The following GADL1 variants were observed in gnomAD, a reference collection of about 807,000 sequenced individuals.
GADL1 encodes acidic amino acid decarboxylase GADL1.
In GADL1, 71 loss-of-function variants were observed where a neutral mutation model predicts 69.5. That is an observed-to-expected ratio of 1.02 (90% CI 0.84 to 1.25). The LOEUF is 1.25. Ranked by LOEUF, GADL1 falls within the 50% of genes most tolerant of loss-of-function variation. The probability of loss-of-function intolerance (pLI) is 0.00; values close to 1 mark genes in which losing one functional copy is unlikely to be tolerated. For synonymous variants in GADL1, 254 were observed against 214.4 expected, an observed-to-expected ratio of 1.18 and a Z score of -1.62; for missense variants, 737 against 631.8, an observed-to-expected ratio of 1.17 and a Z score of -1.79.
In GADL1 at chr3:30,833,159, A is replaced by G. The variant is rs1045333990; in HGVS notation, c.1050+694T>C. On this transcript the variant is annotated intron_variant, in intron 11 of 14. Coordinates refer to ENST00000282538, the MANE Select transcript of GADL1 (RefSeq NM_207359.3). ...TGCTGAACACAGATCTTGAGGAGGC[A>G]TTTCTAAGAATGAAGTAGCACTTCC... Among the ~76,000 whole-genome samples, 3 of 152,088 alleles carry G rather than the reference A, an allele frequency of 2.0e-5. No individual in the cohort carries two copies. The South Asian group carries it at 6.2e-4, about 31-fold the overall frequency.
Position 30,770,690 on chromosome 3 carries a change from C to T in GADL1, c.1392+7489G>A, listed in dbSNP as rs530303158. 5.9e-5 allele frequency among the ~76,000 whole-genome samples: 9 copies of T among 152,296 alleles called. No homozygotes were observed. In the South Asian group the frequency reaches 1.7e-3, roughly 28 times the overall value. On this transcript the variant is annotated intron_variant, in intron 14 of 14. Coordinates refer to ENST00000282538, the MANE Select transcript of GADL1 (RefSeq NM_207359.3). Reference sequence around the variant, plus strand: ...GCTCAGAGAACTGGTCTCATCCTGACCTCAGGCCCGTGAGCTCAGCCTCAG... The same window carrying T: ...GCTCAGAGAACTGGTCTCATCCTGATCTCAGGCCCGTGAGCTCAGCCTCAG...
At chr3:30,883,061 C>A (rs574460334) in intron 1 of GADL1, among the ~76,000 whole-genome samples, 11 of 151,676 alleles carry the variant, frequency 7.3e-5, no homozygotes, top group African/African-American at 2.7e-4. Flanking sequence ...CAATATTATC[C>A]GACGTATTAT....
intron 1 of GADL1, among the ~76,000 whole-genome samples, chr3:30,885,842 A>G (rs961245920): frequency 7.9e-5 from 12 of 151,990 alleles, no homozygotes; most frequent in Non-Finnish European, 1.8e-4. Context: ...CCTGATCTCA[A>G]GTGATCCTCC....
chr3:30,831,653 TC>T (rs556159258), intron 11 of GADL1, among the ~76,000 whole-genome samples: 149 of 152,086 alleles, frequency 9.8e-4, no homozygotes, highest in African/African-American at 3.5e-3. Flanking sequence ...AACCCGTATA[TC>T]ATGTCTGATG....
chr3:30,870,884 G>A (rs1220640134), intron 1 of GADL1, among the ~76,000 whole-genome samples: 1 of 151,680 alleles, frequency 6.6e-6, no homozygotes, highest in Non-Finnish European at 1.5e-5. Context: ...TACTGATCTG[G>A]GGAATGCTGG....
At chr3:30,773,686 G>A (rs1461425201) in intron 14 of GADL1, among the ~76,000 whole-genome samples, 1 of 152,064 alleles carries the variant, frequency 6.6e-6, no homozygotes, top group Non-Finnish European at 1.5e-5. Flanking sequence ...AATTTAGCCA[G>A]CTCTTTATAG....
intron 13 of GADL1, among the ~76,000 whole-genome samples, chr3:30,781,689 C>CT (rs1394726070): frequency 2.0e-5 from 3 of 152,176 alleles, no homozygotes; most frequent in African/African-American, 7.2e-5. Context: ...GAGTATCAAA[C>CT]TTTCTGTTTC....
Position 30,874,995 on chromosome 3 carries a change from C to G in GADL1, c.38-13230G>C, listed in dbSNP as rs1698557754. ...ACCTGTGCATTGGCTCAGAGCTCAG[C>G]TCAGCCAGGAAGATTGAGATGGCTG... is the stretch of plus-strand genomic sequence containing the variant. On this transcript the variant is annotated intron_variant, in intron 1 of 14. Coordinates refer to ENST00000282538, the MANE Select transcript of GADL1 (RefSeq NM_207359.3). Among the ~76,000 whole-genome samples, 3 of 151,894 alleles carry G rather than the reference C, an allele frequency of 2.0e-5. No individual in the cohort carries two copies. The South Asian group carries it at 6.2e-4, about 31-fold the overall frequency.
intron 1 of GADL1, among the ~76,000 whole-genome samples, chr3:30,864,336 TTC>T (rs1698364496): frequency 2.0e-5 from 3 of 151,894 alleles, no homozygotes; most frequent in African/African-American, 7.2e-5. Flanking sequence ...CTCATTATGT[TTC>T]TCTTTCTCTT....
intron 2 of GADL1, among the ~76,000 whole-genome samples, chr3:30,860,161 G>C (rs989100763): frequency 1.2e-4 from 18 of 151,530 alleles, no homozygotes; most frequent in African/African-American, 4.1e-4. Context: ...TTCCACATCT[G>C]AGCTCAAAGT....
chr3:30,880,241 G>A (rs1177560980), intron 1 of GADL1, among the ~76,000 whole-genome samples: 1 of 151,852 alleles, frequency 6.6e-6, no homozygotes, highest in Non-Finnish European at 1.5e-5. Context: ...ATTGCATTAA[G>A]TATTGTAAGT....
In GADL1 at chr3:30,861,575, A is replaced by C. The variant is rs1325917383; in HGVS notation, c.210+18T>G. The C allele has an allele frequency of 6.5e-7, 1 of 1,528,742 alleles. No homozygotes were observed. Among genetic ancestry groups the C allele is most frequent in the South Asian group, 1.2e-5 (1 of 81,354 alleles). 94.7% of individuals were successfully genotyped at this position (1,528,742 alleles called of 1,614,324 possible). A position where few individuals can be genotyped will look rare whatever the true frequency, so the allele number is the denominator to read the frequency against. On this transcript the variant is annotated intron_variant, in intron 2 of 14. Transcript: ENST00000282538. ...ATCTTTCCCATTTCTGCAATTTCTTACAGGTTTTAATTTTTACCTTCTCAT... is the reference window on the plus strand; with the variant it reads ...ATCTTTCCCATTTCTGCAATTTCTTCCAGGTTTTAATTTTTACCTTCTCAT...
chr3:30,733,661 C>T (rs1695501298), intron 14 of GADL1, among the ~76,000 whole-genome samples: 1 of 150,570 alleles, frequency 6.6e-6, no homozygotes, highest in African/African-American at 2.4e-5. Context: ...CCCTCCTTCC[C>T]TCTCTCCCTC....
At chr3:30,842,097 A>G (rs994321196) in intron 8 of GADL1, among the ~76,000 whole-genome samples, 2 of 152,170 alleles carry the variant, frequency 1.3e-5, no homozygotes, top group African/African-American at 2.4e-5. Flanking sequence ...GGAGGAAGCT[A>G]TAGATCAGAA....
chr3:30,775,014 T>C (rs1478784801), intron 14 of GADL1, among the ~76,000 whole-genome samples: 1 of 152,110 alleles, frequency 6.6e-6, no homozygotes, highest in Admixed American at 6.5e-5. Context: ...AGACCTAAGA[T>C]ATCATAATGA....
chr3:30,842,752 A>G (rs1348306267), intron 8 of GADL1, among the ~76,000 whole-genome samples: 2 of 151,238 alleles, frequency 1.3e-5, no homozygotes, highest in East Asian at 3.9e-4. Flanking sequence ...TCAGAATTAT[A>G]CCAGAGTCAA....
chr3:30,736,471 G>A (rs1443888264), intron 14 of GADL1, among the ~76,000 whole-genome samples: 2 of 151,902 alleles, frequency 1.3e-5, no homozygotes, highest in African/African-American at 4.8e-5. Flanking sequence ...TCACTAATAG[G>A]AACTAATATT....
At chr3:30,779,309 T>C (rs746597062) in intron 13 of GADL1, among the ~76,000 whole-genome samples, 1 of 152,234 alleles carries the variant, frequency 6.6e-6, no homozygotes, top group Non-Finnish European at 1.5e-5. Flanking sequence ...ATATTTGAAC[T>C]GATTTTCATT....
intron 1 of GADL1, among the ~76,000 whole-genome samples, chr3:30,876,619 A>G (rs1452735491): frequency 1.3e-5 from 2 of 151,956 alleles, no homozygotes; most frequent in African/African-American, 2.4e-5. Context: ...TTCCATGCAC[A>G]GGCTCTCTAA....
Sources: gnomAD v4.1 joint callset for allele counts (sites outside exome capture counted in the v4.1 genomes callset) on GRCh38, gnomAD v4.1.1 for gene constraint, MANE v1.5 for transcripts, NCBI Gene and HGNC (gene_info 2026-07-23, HGNC 2026-07-21) for gene names.